RBFOX1: variants seen among roughly 807,000 people sequenced by gnomAD.
RBFOX1 encodes RNA binding protein fox-1 homolog 1.
Under a neutral mutation model 57.7 loss-of-function variants are expected in RBFOX1, and 8 were observed. The ratio of observed to expected loss-of-function variants is 0.14; its 90% CI spans 0.08 to 0.25. RBFOX1 has a LOEUF of 0.25. Ranked by LOEUF, RBFOX1 falls within the 10% of genes least tolerant of loss-of-function variation. RBFOX1 has a pLI of 1.00. For missense variants in RBFOX1, 611 were observed against 548.5 expected, an observed-to-expected ratio of 1.11 and a Z score of -1.14; for synonymous variants, 326 against 222.4, an observed-to-expected ratio of 1.47 and a Z score of -4.15.
intron 3 of RBFOX1, among the ~76,000 whole-genome samples, chr16:6,766,638 G>C (rs1001212363): frequency 3.9e-4 from 59 of 151,888 alleles, no homozygotes; most frequent in Non-Finnish European, 8.1e-4. Flanking sequence ...CTACCAAGGA[G>C]CTGAATTTTA....
At chr16:6,392,314 G>A (rs1158434580) in intron 2 of RBFOX1, among the ~76,000 whole-genome samples, 2 of 152,192 alleles carry the variant, frequency 1.3e-5, no homozygotes, top group Admixed American at 1.3e-4. Context: ...TCTGTAGTAA[G>A]AATATTTACA....
chr16:6,468,766 T>G (rs73540094), intron 2 of RBFOX1, among the ~76,000 whole-genome samples: 3,549 of 152,264 alleles, frequency 0.023, 110 homozygotes, highest in African/African-American at 0.07. Flanking sequence ...CCTTTTTTAT[T>G]TCTAATTTTA....
intron 3 of RBFOX1, among the ~76,000 whole-genome samples, chr16:6,943,905 C>G (rs1228132893): frequency 6.6e-6 from 1 of 151,910 alleles, no homozygotes. Context: ...CTTTTTTCGT[C>G]TATAAATTTG....
At chr16:7,215,314 C>G (rs555803845) in intron 4 of RBFOX1, among the ~76,000 whole-genome samples, 5 of 152,336 alleles carry the variant, frequency 3.3e-5, no homozygotes, top group African/African-American at 1.2e-4. Flanking sequence ...CATCCCATTA[C>G]TGGGTATATA....
At chr16:5,578,787 T>C (rs2046556068) in intron 2 of RBFOX1, among the ~76,000 whole-genome samples, 1 of 151,712 alleles carries the variant, frequency 6.6e-6, no homozygotes, top group Non-Finnish European at 1.5e-5. Context: ...CAGGGTGTTT[T>C]TGCGCTTCAA....
intron 4 of RBFOX1, among the ~76,000 whole-genome samples, chr16:7,428,494 TTTATTATTATTATTATTA>T (rs71147697): frequency 0.014 from 1,866 of 128,714 alleles, 41 homozygotes; most frequent in African/African-American, 0.051. Context: ...TCCTGGCTAT[TTTATTATTATTATTATTA>T]TTATTATTAT....
chr16:7,429,918 A>G (rs992577776), intron 4 of RBFOX1, among the ~76,000 whole-genome samples: 1 of 152,072 alleles, frequency 6.6e-6, no homozygotes, highest in Non-Finnish European at 1.5e-5. Flanking sequence ...ATACACAAAA[A>G]TCTCTGCCTT....
intron 10 of RBFOX1, among the ~76,000 whole-genome samples, chr16:7,620,350 C>T (rs1002315546): frequency 1.3e-5 from 2 of 152,188 alleles, no homozygotes; most frequent in East Asian, 3.8e-4. Context: ...GTCAACTCAA[C>T]TTCCAGTCAG....
At chr16:5,277,898 G>T (rs1370805678) in intron 1 of RBFOX1, among the ~76,000 whole-genome samples, 1 of 151,982 alleles carries the variant, frequency 6.6e-6, no homozygotes, top group Non-Finnish European at 1.5e-5. Flanking sequence ...CCATTCATCC[G>T]TTGATTGACA....
At chr16:7,430,969 A>T (rs1482807694) in intron 4 of RBFOX1, among the ~76,000 whole-genome samples, 1 of 152,206 alleles carries the variant, frequency 6.6e-6, no homozygotes, top group Non-Finnish European at 1.5e-5. Context: ...AAATAGAAGC[A>T]CGTGTACTTG....
chr16:5,749,834 G>T (rs2053126429), intron 3 of RBFOX1, among the ~76,000 whole-genome samples: 2 of 152,144 alleles, frequency 1.3e-5, no homozygotes, highest in African/African-American at 4.8e-5. Context: ...GTTCAGAGAA[G>T]TTTGATCGTC....
At chr16:7,675,875 A>G (rs562263890) in intron 13 of RBFOX1, among the ~76,000 whole-genome samples, 1 of 152,296 alleles carries the variant, frequency 6.6e-6, no homozygotes, top group South Asian at 2.1e-4. Context: ...AACTGTGCTG[A>G]GTTCATTGTA....
chr16:5,875,212 G>A (rs1275442950), intron 4 of RBFOX1, among the ~76,000 whole-genome samples: 1 of 152,154 alleles, frequency 6.6e-6, no homozygotes, highest in Non-Finnish European at 1.5e-5. Context: ...AGCAATCTTT[G>A]AAATAACTGT....
intron 3 of RBFOX1, among the ~76,000 whole-genome samples, chr16:6,939,883 A>G (rs773034123): frequency 1.3e-5 from 2 of 152,194 alleles, no homozygotes; most frequent in Admixed American, 1.3e-4. Context: ...AATTTACTGC[A>G]TATTATTCAA....
chr16:7,447,081 G>C (rs917525952), intron 4 of RBFOX1, among the ~76,000 whole-genome samples: 3 of 151,838 alleles, frequency 2.0e-5, no homozygotes, highest in Non-Finnish European at 4.4e-5. Flanking sequence ...CAAAGTGCTG[G>C]GATTACAGGC....
rs9889125 is a variant in RBFOX1 at position 6,840,528 on chromosome 16, A to T, written c.-16+185878A>T. On this transcript the variant is annotated intron_variant, in intron 3 of 15. Transcript: ENST00000550418. ...TAATCCCAAGGTGATAGTATTAGAA[A>T]ATGGGATCTTTGGGAGGTGATGGGG... Among the ~76,000 whole-genome samples the T allele has an allele frequency of 3.9e-5, 6 of 151,972 alleles. No individual in the cohort carries two copies. The East Asian group carries it at 9.7e-4, about 25-fold the overall frequency.
chr16:5,977,022 T>G (rs2152305701), intron 4 of RBFOX1, among the ~76,000 whole-genome samples: 1 of 152,200 alleles, frequency 6.6e-6, no homozygotes, highest in East Asian at 1.9e-4. Flanking sequence ...GGGGAGGGGA[T>G]GGGTAGGAAC....
At chr16:5,972,908 C>A (rs1567207465) in intron 4 of RBFOX1, among the ~76,000 whole-genome samples, 1 of 152,304 alleles carries the variant, frequency 6.6e-6, no homozygotes, top group Non-Finnish European at 1.5e-5. Context: ...GGTATGCTTT[C>A]CCCAGCTTTT....
At chr16:7,214,964 G>C (rs1213400893) in intron 4 of RBFOX1, among the ~76,000 whole-genome samples, 1 of 152,128 alleles carries the variant, frequency 6.6e-6, no homozygotes, top group African/African-American at 2.4e-5. Flanking sequence ...AGGTGTCCAC[G>C]TGCCATGGTG....
Sources: allele counts gnomAD v4.1 joint callset (sites outside exome capture counted in the v4.1 genomes callset), GRCh38; gene constraint gnomAD v4.1.1; transcripts MANE v1.5; gene names NCBI Gene and HGNC (gene_info 2026-07-23, HGNC 2026-07-21).